Variants in B3GALT1 observed in about 807,000 individuals in gnomAD.
B3GALT1 encodes beta-1,3-galactosyltransferase 1.
A neutral mutation model predicts 23.2 loss-of-function variants in B3GALT1; 10 were observed. The ratio of observed to expected loss-of-function variants is 0.43; its 90% CI spans 0.27 to 0.73. B3GALT1 has a LOEUF of 0.73. B3GALT1 is among the 30% of genes least tolerant of loss of function. The pLI is 0.21. For missense variants in B3GALT1, 299 were observed against 405.4 expected (o/e 0.74, Z 2.25); for synonymous variants, 156 against 141.5 (o/e 1.10, Z -0.73).
At chr2:167,293,646 C>T (rs969439331) in intron 1 of B3GALT1, among the ~76,000 whole-genome samples, 1 of 152,138 alleles carries the variant, frequency 6.6e-6, no homozygotes, top group African/African-American at 2.4e-5. Context: ...GGCCCGACGT[C>T]CTTCAAGGAC....
At chr2:167,777,328 T>G (rs1452924190) in intron 3 of B3GALT1, among the ~76,000 whole-genome samples, 1 of 152,234 alleles carries the variant, frequency 6.6e-6, no homozygotes, top group Non-Finnish European at 1.5e-5. Flanking sequence ...AATTTTCTTT[T>G]TAAAAAACTT....
At chr2:167,541,052 G>C (rs542790950) in intron 2 of B3GALT1, among the ~76,000 whole-genome samples, 5 of 152,024 alleles carry the variant, frequency 3.3e-5, no homozygotes, top group African/African-American at 1.2e-4. Flanking sequence ...TATAAATAAT[G>C]GCTCCTTCTT....
chr2:167,408,819 GACAA>G (rs1284136106), intron 1 of B3GALT1, among the ~76,000 whole-genome samples: 31 of 103,616 alleles, frequency 3.0e-4, no homozygotes, highest in Admixed American at 3.7e-4. Flanking sequence ...AAAAACAAAA[GACAA>G]ACAAAAAAAA....
intron 1 of B3GALT1, among the ~76,000 whole-genome samples, chr2:167,320,332 G>A (rs566099925): frequency 4.7e-4 from 71 of 151,898 alleles, no homozygotes; most frequent in African/African-American, 1.7e-3. Context: ...TGGGACCACA[G>A]GAGCACACCA....
intron 1 of B3GALT1, among the ~76,000 whole-genome samples, chr2:167,312,296 T>C (rs940583736): frequency 3.3e-5 from 5 of 151,872 alleles, no homozygotes; most frequent in Non-Finnish European, 5.9e-5. Context: ...ATTGAATAAA[T>C]TGAATGGAGA....
At chr2:167,404,964 C>G (rs2105291434) in intron 1 of B3GALT1, among the ~76,000 whole-genome samples, 1 of 152,238 alleles carries the variant, frequency 6.6e-6, no homozygotes, top group East Asian at 1.9e-4. Context: ...CTGTTACGAG[C>G]ACAGGAAAAA....
chr2:167,794,429 A>T (rs1420456914), intron 3 of B3GALT1, among the ~76,000 whole-genome samples: 1 of 152,206 alleles, frequency 6.6e-6, no homozygotes, highest in African/African-American at 2.4e-5. Context: ...ATTGTAGGAG[A>T]AGTGCCAGCT....
chr2:167,508,089 T>G (rs1401226251), intron 2 of B3GALT1, among the ~76,000 whole-genome samples: 1 of 152,040 alleles, frequency 6.6e-6, no homozygotes. Flanking sequence ...TTATGAAGAC[T>G]CCACTCTCAG....
chr2:167,630,681 C>A (rs911306403), intron 2 of B3GALT1, among the ~76,000 whole-genome samples: 1 of 151,148 alleles, frequency 6.6e-6, no homozygotes, highest in African/African-American at 2.4e-5. Flanking sequence ...TCAAATAGGG[C>A]AAAATGTTGA....
chr2:167,602,592 G>A (rs1007605913), intron 2 of B3GALT1, among the ~76,000 whole-genome samples: 1 of 152,092 alleles, frequency 6.6e-6, no homozygotes, highest in African/African-American at 2.4e-5. Flanking sequence ...AGGAATAAAA[G>A]CATAATACTA....
chr2:167,355,100 T>G (rs1325788688), intron 1 of B3GALT1, among the ~76,000 whole-genome samples: 1 of 152,232 alleles, frequency 6.6e-6, no homozygotes, highest in Non-Finnish European at 1.5e-5. Context: ...AGGCTTTAAC[T>G]AAGATAATGT....
chr2:167,807,947 G>T (rs1688792256), intron 3 of B3GALT1, among the ~76,000 whole-genome samples: 1 of 152,102 alleles, frequency 6.6e-6, no homozygotes, highest in Admixed American at 6.5e-5. Context: ...AAGTCTCTTT[G>T]TAGGTCTCTA....
chr2:167,357,030 G>GTATA (rs779802745), intron 1 of B3GALT1, among the ~76,000 whole-genome samples: 5,230 of 151,130 alleles, frequency 0.035, 287 homozygotes, highest in African/African-American at 0.12. Flanking sequence ...GTGTGTGTGT[G>GTATA]TATATATATA....
intron 2 of B3GALT1, among the ~76,000 whole-genome samples, chr2:167,555,156 A>G (rs16853749): frequency 0.036 from 5,535 of 152,260 alleles, 169 homozygotes; most frequent in African/African-American, 0.089. Context: ...TTTCTATCCA[A>G]TCTATTGGGA....
chr2:167,503,619 A>G (rs1699878116), intron 2 of B3GALT1, among the ~76,000 whole-genome samples: 1 of 152,184 alleles, frequency 6.6e-6, no homozygotes, highest in Non-Finnish European at 1.5e-5. Flanking sequence ...TCCCTTGAGT[A>G]TTGCATTTCC....
chr2:167,717,312 T>A (rs185265110), intron 3 of B3GALT1, among the ~76,000 whole-genome samples: 1 of 152,002 alleles, frequency 6.6e-6, no homozygotes, highest in East Asian at 1.9e-4. Context: ...TTTATACTTT[T>A]AAGTTTTAGG....
chr2:167,412,412 A>G (rs144799147), intron 1 of B3GALT1, among the ~76,000 whole-genome samples: 1 of 152,332 alleles, frequency 6.6e-6, no homozygotes, highest in African/African-American at 2.4e-5. Context: ...TGATAATCAA[A>G]TGCAGACAAT....
intron 3 of B3GALT1, among the ~76,000 whole-genome samples, chr2:167,655,513 G>T (rs2105467787): frequency 6.6e-6 from 1 of 152,182 alleles, no homozygotes. Flanking sequence ...ATAAATTATG[G>T]AATCATATGG....
chr2:167,588,656 A>C (rs1479388616), intron 2 of B3GALT1, among the ~76,000 whole-genome samples: 1 of 151,874 alleles, frequency 6.6e-6, no homozygotes, highest in African/African-American at 2.4e-5. Context: ...TTGGCATTTG[A>C]ATTTCTTTTG....
Sources: allele counts gnomAD v4.1 joint callset (sites outside exome capture counted in the v4.1 genomes callset), GRCh38; gene constraint gnomAD v4.1.1; transcripts MANE v1.5; gene names NCBI Gene and HGNC (gene_info 2026-07-23, HGNC 2026-07-21).